Variants in PAAF1 observed in about 807,000 individuals in gnomAD.
PAAF1 encodes the protein proteasomal ATPase-associated factor 1.
A neutral mutation model predicts 52.8 loss-of-function variants in PAAF1; 46 were observed. The ratio of observed to expected loss-of-function variants is 0.87; its 90% confidence interval spans 0.69 to 1.11. PAAF1 has a LOEUF of 1.11. Ranked by LOEUF, PAAF1 falls within the 50% of genes most tolerant of loss-of-function variation. The pLI is 0.00. For missense variants in PAAF1, 424 were observed against 477.4 expected, an observed-to-expected ratio of 0.89 and a Z score of 1.04; for synonymous variants, 178 against 172.8, an observed-to-expected ratio of 1.03 and a Z score of -0.24.
intron 6 of PAAF1, among the ~76,000 whole-genome samples, chr11:73,902,386 A>G (rs1437512844): frequency 6.6e-6 from 1 of 152,186 alleles, no homozygotes; most frequent in Non-Finnish European, 1.5e-5. Context: ...AGAATGGCCT[A>G]CAGATCTGGG....
chr11:73,884,603 ACACAATAGGGAAT>A (rs1949009174), intron 2 of PAAF1, among the ~76,000 whole-genome samples: 1 of 152,218 alleles, frequency 6.6e-6, no homozygotes, highest in African/African-American at 2.4e-5. Flanking sequence ...CAGTTGGTAA[ACACAATAGGGAAT>A]CATGGAGTGG....
At chr11:73,915,457 C>T (rs746443798) in intron 8 of PAAF1, among the ~76,000 whole-genome samples, 3 of 152,126 alleles carry the variant, frequency 2.0e-5, no homozygotes, top group Admixed American at 6.5e-5. Context: ...AAAAAATTGG[C>T]TGGGCATGGT....
intron 2 of PAAF1, among the ~76,000 whole-genome samples, chr11:73,881,943 T>C (rs187057482): frequency 1.3e-3 from 201 of 152,178 alleles, no homozygotes; most frequent in African/African-American, 4.7e-3. Context: ...GGTGCCATCT[T>C]GGCTCACTGC....
chr11:73,880,454 G>A (rs1310308305), intron 2 of PAAF1: 1 of 148,814 alleles, frequency 6.7e-6, no homozygotes, highest in East Asian at 2.0e-4. Context: ...ACTTCAGCCT[G>A]AGAGACAGAG....
At position 73,877,033 on chromosome 11, in the gene PAAF1, T is replaced by G. The variant is rs1445357173; in HGVS notation, c.12T>G (p.Pro4=). Residue 4 remains proline, a synonymous_variant, in exon 1 of 12, where the codon CCT becomes CCG. Transcript: ENST00000310571. MAA[P]LRIQSDWAQA... ...GAGGCGGGGTCGAGATGGCGGCGCC[T>G]TTGAGGATTCAGAGCGACTGGGCGC... The G allele has an allele frequency of 1.3e-6, 2 of 1,534,236 alleles. No individual in the cohort carries two copies. Among genetic ancestry groups the G allele is most frequent in the South Asian group, 2.5e-5 (2 of 81,418 alleles).
intron 10 of PAAF1, among the ~76,000 whole-genome samples, chr11:73,919,637 T>TA (rs1950157433): frequency 6.6e-6 from 1 of 152,136 alleles, no homozygotes; most frequent in Non-Finnish European, 1.5e-5. Context: ...GTAAAGCGAG[T>TA]ATCTTAATGT....
intron 6 of PAAF1, among the ~76,000 whole-genome samples, chr11:73,908,434 T>C (rs1456971826): frequency 2.7e-5 from 4 of 150,632 alleles, no homozygotes; most frequent in Admixed American, 1.3e-4. Context: ...TATATGGGTC[T>C]TGCTCCACTG....
intron 6 of PAAF1, among the ~76,000 whole-genome samples, chr11:73,906,498 G>A (rs556062745): frequency 2.5e-4 from 38 of 152,232 alleles, no homozygotes; most frequent in African/African-American, 8.4e-4. Flanking sequence ...TGATCTGCCC[G>A]CCTCAGACTC....
intron 7 of PAAF1, among the ~76,000 whole-genome samples, chr11:73,911,254 C>A (rs1025230495): frequency 4.6e-5 from 7 of 152,168 alleles, no homozygotes; most frequent in Non-Finnish European, 1.0e-4. Flanking sequence ...AGTTTCTTAG[C>A]CCTAATAATC....
At chr11:73,903,959 C>A (rs568688758) in intron 6 of PAAF1, among the ~76,000 whole-genome samples, 1 of 151,392 alleles carries the variant, frequency 6.6e-6, no homozygotes, top group African/African-American at 2.4e-5. Context: ...TGGTGTGCGC[C>A]TGTAATCCCA....
At chr11:73,894,997 A>G (rs1949305032) in intron 4 of PAAF1, among the ~76,000 whole-genome samples, 3 of 152,106 alleles carry the variant, frequency 2.0e-5, no homozygotes, top group Non-Finnish European at 4.4e-5. Flanking sequence ...AACAAACATA[A>G]CTGTGCTCCT....
intron 5 of PAAF1, among the ~76,000 whole-genome samples, chr11:73,899,706 C>T (rs1416573551): frequency 6.6e-6 from 1 of 152,206 alleles, no homozygotes; most frequent in African/African-American, 2.4e-5. Flanking sequence ...GCCACCGCTC[C>T]TGGCCTCTCA....
chr11:73,917,710 A>G (rs751233876), intron 9 of PAAF1, among the ~76,000 whole-genome samples: 1 of 152,144 alleles, frequency 6.6e-6, no homozygotes, highest in African/African-American at 2.4e-5. Flanking sequence ...TGTCTCTACT[A>G]AAAATACAAA....
Position 73,909,503 on chromosome 11 carries a change from G to T in PAAF1, c.637G>T (p.Val213Phe). Reference protein sequence around the residue: ...WDCGRSACLGVLADCGSSING... With the variant: ...WDCGRSACLGFLADCGSSING... ...TTGTGGGCGCTCAGCCTGCTTGGGA[G>T]TCCTTGCAGATTGTGGTTCTTCTAT... Residue 213 changes from valine (V) to phenylalanine (F), a missense_variant, in exon 7 of 12, where the codon GTC (valine) becomes TTC (phenylalanine). Coordinates refer to ENST00000310571, the MANE Select transcript of PAAF1 (RefSeq NM_025155.3). The T allele has an allele frequency of 2.5e-6, 4 of 1,614,208 alleles. No individual in the cohort carries two copies. Among genetic ancestry groups the T allele is most frequent in the Non-Finnish European group, 3.4e-6 (4 of 1,180,044 alleles).
At chr11:73,919,848 ACAC>A (rs1249410019) in intron 10 of PAAF1, among the ~76,000 whole-genome samples, 1 of 152,204 alleles carries the variant, frequency 6.6e-6, no homozygotes, top group African/African-American at 2.4e-5. Flanking sequence ...TATTTACAGA[ACAC>A]CCAGCTGAAT....
At chr11:73,925,266 A>C (rs1042639032) in intron 11 of PAAF1, among the ~76,000 whole-genome samples, 5 of 151,544 alleles carry the variant, frequency 3.3e-5, no homozygotes, top group Non-Finnish European at 7.4e-5. Context: ...AAACCAGCCT[A>C]GGCAATAAGA....
intron 1 of PAAF1, among the ~76,000 whole-genome samples, chr11:73,878,310 T>C (rs995971998): frequency 1.3e-5 from 2 of 152,228 alleles, no homozygotes; most frequent in African/African-American, 4.8e-5. Context: ...AACCTAGATC[T>C]TTCTGTCTTA....
intron 3 of PAAF1, chr11:73,889,188 T>G: frequency 2.0e-6 from 3 of 1,522,066 alleles, no homozygotes; most frequent in Non-Finnish European, 2.6e-6. Flanking sequence ...ATACAGTCTT[T>G]ATCACTTCAA....
At chr11:73,889,861 GC>G (rs1441643307) in intron 3 of PAAF1, among the ~76,000 whole-genome samples, 1 of 152,222 alleles carries the variant, frequency 6.6e-6, no homozygotes, top group Non-Finnish European at 1.5e-5. Context: ...CCTGCAGGCA[GC>G]CAGGCATGGA....
Sources: gnomAD v4.1 joint callset for allele counts (sites outside exome capture counted in the v4.1 genomes callset) on GRCh38, gnomAD v4.1.1 for gene constraint, MANE v1.5 for transcripts, NCBI Gene and HGNC (gene_info 2026-07-23, HGNC 2026-07-21) for gene names.